Variants in CCDC39 observed in about 807,000 individuals in gnomAD.
CCDC39 encodes coiled-coil domain-containing protein 39.
Under a neutral mutation model 121.0 loss-of-function variants are expected in CCDC39, and 113 were observed. That is an observed-to-expected ratio of 0.93 (90% confidence interval 0.80 to 1.09). The LOEUF (loss-of-function observed/expected upper bound fraction) is 1.09, where lower values mean the gene tolerates loss of function less well. Among genes scored for constraint, CCDC39 ranks in the 50% least tolerant of loss-of-function variants. The pLI, the probability that CCDC39 is intolerant of heterozygous loss-of-function variation, is 0.00. For synonymous variants in CCDC39, 349 were observed against 352.2 expected, an observed-to-expected ratio of 0.99 and a Z score of 0.10; for missense variants, 1,063 against 1,074.7, an observed-to-expected ratio of 0.99 and a Z score of 0.15.
At chr3:180,627,761 A>G (rs1717598500) in intron 14 of CCDC39, among the ~76,000 whole-genome samples, 1 of 152,216 alleles carries the variant, frequency 6.6e-6, no homozygotes, top group Admixed American at 6.5e-5. Context: ...TGTATGCCCC[A>G]TAGAACAAAG....
chr3:180,660,228 G>T (rs542471253), intron 4 of CCDC39, among the ~76,000 whole-genome samples: 51 of 152,146 alleles, frequency 3.4e-4, no homozygotes, highest in African/African-American at 1.2e-3. Flanking sequence ...AGGCAAAATA[G>T]CTAAAATATA....
chr3:180,647,016 ATGT>A (rs1307581626), intron 11 of CCDC39, 60 bp downstream of exon 11: 6 of 1,486,152 alleles, frequency 4.0e-6, no homozygotes, highest in South Asian at 1.2e-5. Context: ...TCTTAAGAAC[ATGT>A]TGTCCTAAAA....
At chr3:180,659,826 A>AGATACACTAATAACAT in intron 4 of CCDC39, 57 bp from the exon 5 acceptor site, 1 of 1,164,336 alleles carries the variant, frequency 8.6e-7, no homozygotes, top group Non-Finnish European at 1.2e-6. Flanking sequence ...TTTAAATGTT[A>AGATACACTAATAACAT]TTAGTGTATC....
At chr3:180,633,198 A>G (rs1717741391) in intron 13 of CCDC39, among the ~76,000 whole-genome samples, 1 of 152,218 alleles carries the variant, frequency 6.6e-6, no homozygotes, top group Admixed American at 6.5e-5. Context: ...CCAGAGATCC[A>G]CTTAATTGCA....
chr3:180,623,242 G>T lies in CCDC39; in HGVS notation c.1999-3272C>A, dbSNP rs186083257. Among the ~76,000 whole-genome samples the T allele has an allele frequency of 3.4e-3, 510 of 151,544 alleles. 1 individual carries two copies. The highest frequency in any genetic ancestry group is 6.9e-3 in the Middle Eastern group (2 of 290). On this transcript the variant is annotated intron_variant, in intron 14 of 19. Coordinates refer to ENST00000476379, the MANE Select transcript of CCDC39 (RefSeq NM_181426.2). ...GTTTCCAGGAATCCATTTACTCTAG[G>T]TTTTCTAATTTATAAGTTAGTATAG...
rs61733582 is a variant in CCDC39, at chr3:180,661,911, G to T, written c.307C>A (p.Arg103=). The T allele has an allele frequency of 3.8e-6, 6 of 1,587,094 alleles. No homozygotes were observed. In the East Asian group the frequency reaches 6.8e-5, roughly 18 times the overall value. Residue 103 remains arginine, a synonymous_variant, in exon 3 of 20, where the codon CGG becomes AGG. Transcript: ENST00000476379. ...ELGRVKDEIQ[R]LENEMASILE... is the part of the protein sequence containing the mutation. ...ATTGAAGCCATCTCATTTTCCAGCC[G>T]TTGAATTTCATCTTTCACTCGTCCC... is the stretch of plus-strand genomic sequence containing the variant.
In CCDC39 at chr3:180,659,465, T is replaced by C; in HGVS notation, c.725A>G (p.Asp242Gly). ...EQMQKRDGDIDNCALELARIK... is the reference protein window; with the variant it reads ...EQMQKRDGDIGNCALELARIK... ...CAACTACTTTACCAAAGCACAGTTA[T>C]CTATGTCTCCATCCCTCTTCTGCAT... Residue 242 changes from aspartate (D) to glycine (G), a missense_variant, in exon 6 of 20, where the codon GAT becomes GGT. Transcript: ENST00000476379. The C allele has an allele frequency of 1.2e-6, 2 of 1,613,528 alleles. No homozygotes were observed. Among genetic ancestry groups the C allele is most frequent in the Non-Finnish European group, 1.7e-6 (2 of 1,179,654 alleles).
Position 180,631,547 on chromosome 3 carries a change from A to G in CCDC39, c.1920T>C (p.Asn640=). The change falls in exon 14 of 20, where the codon AAT becomes AAC. Residue 640 remains asparagine, a synonymous_variant. Transcript: ENST00000476379. ...TAACAACAGTCAGAATTTCATATCT[A>G]TTCTTCAGCTTCTCAATTTTACTTA... ...ERLSKIEKLK[N]RYEILTVVML... 3.1e-6 allele frequency: 5 copies of G among 1,609,386 alleles called. No homozygotes were observed. The highest frequency in any genetic ancestry group is 1.7e-5 in the Admixed American group (1 of 59,942).
intron 9 of CCDC39, among the ~76,000 whole-genome samples, chr3:180,648,897 A>G (rs1718135857): frequency 6.6e-6 from 1 of 152,180 alleles, no homozygotes. Context: ...ACATGATTCC[A>G]CTAAAGGCAG....
chr3:180,625,495 A>G (rs1311181296), intron 14 of CCDC39, among the ~76,000 whole-genome samples: 4 of 152,034 alleles, frequency 2.6e-5, no homozygotes, highest in African/African-American at 9.7e-5. Context: ...TGGCATTTCA[A>G]GGATTTCTTT....
At chr3:180,665,288 A>G (rs1354125425) in intron 1 of CCDC39, among the ~76,000 whole-genome samples, 1 of 152,194 alleles carries the variant, frequency 6.6e-6, no homozygotes, top group East Asian at 1.9e-4. Context: ...TCCTTGGGAA[A>G]TTATAAGACA....
intron 14 of CCDC39, among the ~76,000 whole-genome samples, chr3:180,624,802 T>G (rs1717519510): frequency 1.3e-5 from 2 of 152,104 alleles, no homozygotes; most frequent in Admixed American, 1.3e-4. Flanking sequence ...TTTTGTTCTG[T>G]TTTTGTTTTT....
intron 13 of CCDC39, 77 bp downstream of exon 13, chr3:180,641,916 T>G: frequency 1.0e-6 from 1 of 999,020 alleles, no homozygotes; most frequent in Non-Finnish European, 1.5e-6. Context: ...ACATCCGGGA[T>G]GTTAGAGGGG....
At chr3:180,653,968 G>A (rs2108425829) in intron 7 of CCDC39, among the ~76,000 whole-genome samples, 1 of 148,782 alleles carries the variant, frequency 6.7e-6, no homozygotes, top group South Asian at 2.2e-4. Context: ...ATTTTTATTG[G>A]GTTTCTTTTC....
intron 14 of CCDC39, among the ~76,000 whole-genome samples, chr3:180,623,818 G>T (rs148772910): frequency 2.0e-5 from 3 of 150,950 alleles, no homozygotes; most frequent in East Asian, 3.9e-4. Flanking sequence ...GGTCTGAGAA[G>T]ATTTTTTTTT....
chr3:180,659,618 A>G (rs1290214324), intron 5 of CCDC39, 38 bp from the exon 6 acceptor site: 1 of 1,606,684 alleles, frequency 6.2e-7, no homozygotes, highest in Admixed American at 1.7e-5. Context: ...CTGTGAATTT[A>G]AGTGGTTTTG....
At position 180,619,294 on chromosome 3, in the gene CCDC39, G is replaced by C. The variant is rs61733579; in HGVS notation, c.2230C>G (p.Gln744Glu). 4,806 of 1,544,380 alleles carry C rather than the reference G, an allele frequency of 3.1e-3. 154 individuals are homozygous for C. In the African/African-American group the frequency reaches 0.06, roughly 19 times the overall value. Residue 744 changes from glutamine (Q) to glutamate (E), a missense_variant, in exon 16 of 20, where the codon CAA becomes GAA. Gln to Glu is a conservative substitution (Grantham distance 29). Transcript: ENST00000476379. ...TCTTGAAGTTCTCTGATTTGTCTTT[G>C]TTTGTATCTGTATTTTTCATCAACA... ...RAVDEKYRYKQRQIRELQEDI... is the reference protein window; with the variant it reads ...RAVDEKYRYKERQIRELQEDI...
At position 180,632,052 on chromosome 3, in the gene CCDC39, A is replaced by C. The variant is rs57246611; in HGVS notation, c.1875-460T>G. Among the ~76,000 whole-genome samples the C allele has an allele frequency of 9.5e-4, 145 of 152,334 alleles. 3 individuals carry two copies. The East Asian group carries it at 0.023, about 24-fold the overall frequency. On this transcript the variant is annotated intron_variant, in intron 13 of 19. Coordinates refer to ENST00000476379, the MANE Select transcript of CCDC39 (RefSeq NM_181426.2). ...AAGAAGGGGCTCAAGTGGATGCTGC[A>C]AACAGTAGATTTGCATCACAGCTGA...
chr3:180,633,757 G>A (rs1717757795), intron 13 of CCDC39, among the ~76,000 whole-genome samples: 2 of 152,142 alleles, frequency 1.3e-5, no homozygotes, highest in Admixed American at 6.5e-5. Context: ...CCCAAAGGAA[G>A]ACTTGAATGA....
Sources: allele counts gnomAD v4.1 joint callset (sites outside exome capture counted in the v4.1 genomes callset), GRCh38; gene constraint gnomAD v4.1.1; transcripts MANE v1.5; gene names NCBI Gene and HGNC (gene_info 2026-07-23, HGNC 2026-07-21).